Variants in TMC2 observed in about 807,000 individuals in gnomAD.
TMC2 encodes transmembrane channel-like protein 2.
A neutral mutation model predicts 105.9 loss-of-function variants in TMC2; 102 were observed. The observed-to-expected ratio is 0.96, with a 90% CI of 0.82 to 1.14. The LOEUF (loss-of-function observed/expected upper bound fraction) is 1.14, where lower values mean the gene tolerates loss of function less well. Among genes scored for constraint, TMC2 ranks in the 50% most tolerant of loss-of-function variants. TMC2 has a pLI of 0.00. For synonymous variants in TMC2, 402 were observed against 422.8 expected, an observed-to-expected ratio of 0.95 and a Z score of 0.60; for missense variants, 1,093 against 1,134.3, an observed-to-expected ratio of 0.96 and a Z score of 0.52.
At chr20:2,537,242 A>G (rs1349504592) in intron 1 of TMC2, 27 bp from the exon 2 acceptor site, 8 of 1,590,238 alleles carry the variant, frequency 5.0e-6, no homozygotes, top group African/African-American at 1.3e-5. Context: ...GAGGCCAGCC[A>G]TTTGTCAGCA....
intron 4 of TMC2, among the ~76,000 whole-genome samples, chr20:2,571,029 C>T (rs184988112): frequency 3.3e-5 from 5 of 152,234 alleles, no homozygotes; most frequent in Admixed American, 1.3e-4. Context: ...GAATGTAAGA[C>T]CTAAAATTAT....
In TMC2 at chr20:2,561,953, T is replaced by C; in HGVS notation, c.497T>C (p.Leu166Pro). ...GAGCAGGTGGAAGAAAAAAAGAAGC[T>C]CATTGCCACCATGCGGAGCAAGCCC... is the stretch of plus-strand genomic sequence containing the variant. ...ILEQVEEKKK[L>P]IATMRSKPWP... Residue 166 changes from leucine to proline, a missense_variant, in exon 4 of 20, where the codon CTC (leucine) becomes CCC (proline). Leu to Pro is a moderately conservative substitution (Grantham distance 98, BLOSUM62 -3). Coordinates refer to ENST00000358864, the MANE Select transcript of TMC2 (RefSeq NM_080751.3). 6.2e-7 allele frequency: 1 copy of C among 1,614,158 alleles called. No homozygotes were observed. The highest frequency in any genetic ancestry group is 8.5e-7 in the Non-Finnish European group (1 of 1,180,018).
chr20:2,561,573 T>C (rs1600101436), intron 3 of TMC2, among the ~76,000 whole-genome samples: 1 of 152,336 alleles, frequency 6.6e-6, no homozygotes, highest in Non-Finnish European at 1.5e-5. Context: ...CTAGAAAAAT[T>C]TGCATTACAG....
At chr20:2,587,573 T>C (rs2086239826) in intron 7 of TMC2, among the ~76,000 whole-genome samples, 1 of 152,028 alleles carries the variant, frequency 6.6e-6, no homozygotes, top group South Asian at 2.1e-4. Context: ...TAAATTTTCC[T>C]GTGGTAGGTT....
chr20:2,617,095 G>A lies in TMC2; in HGVS notation c.1964G>A (p.Gly655Asp). 6.2e-7 allele frequency: 1 copy of A among 1,614,196 alleles called. No homozygotes were observed. The highest frequency in any genetic ancestry group is 1.1e-5 in the South Asian group (1 of 91,080). Residue 655 changes from glycine (G) to aspartate (D), a missense_variant, in exon 16 of 20, where the codon GGC (glycine) becomes GAC (aspartate). Transcript: ENST00000358864. ...MIWMGSFYAP[G>D]LVGINVLRLL... ...AGGATGGGCTCCTTCTATGCTCCAGGCCTGGTGGGCATTAATGTGCTGCGC... is the reference window on the plus strand; with the variant it reads ...AGGATGGGCTCCTTCTATGCTCCAGACCTGGTGGGCATTAATGTGCTGCGC...
intron 17 of TMC2, 83 bp downstream of exon 17, chr20:2,624,479 T>C: frequency 6.6e-7 from 1 of 1,507,352 alleles, no homozygotes; most frequent in Non-Finnish European, 8.9e-7. Context: ...CTTTTCATCT[T>C]GCCTTCTTAG....
intron 17 of TMC2, among the ~76,000 whole-genome samples, chr20:2,629,418 T>C (rs1239065878): frequency 6.7e-6 from 1 of 148,836 alleles, no homozygotes; most frequent in Non-Finnish European, 1.5e-5. Context: ...AGTATATTCA[T>C]GAAATAAGGA....
At chr20:2,585,585 G>A (rs1462710012) in intron 7 of TMC2, among the ~76,000 whole-genome samples, 3 of 152,152 alleles carry the variant, frequency 2.0e-5, no homozygotes, top group Admixed American at 1.3e-4. Context: ...AAGAAGATCC[G>A]CTTCCAAGCT....
At chr20:2,635,827 C>A in intron 17 of TMC2, 99 bp from the exon 18 acceptor site, 2 of 951,544 alleles carry the variant, frequency 2.1e-6, no homozygotes, top group Non-Finnish European at 1.7e-6. Context: ...GCCTCAGTAA[C>A]TATTCCAGGA....
intron 7 of TMC2, among the ~76,000 whole-genome samples, chr20:2,580,513 A>G (rs1215897741): frequency 2.6e-5 from 4 of 152,158 alleles, no homozygotes; most frequent in Non-Finnish European, 2.9e-5. Flanking sequence ...AGAATACATT[A>G]TATCATTATT....
chr20:2,633,456 T>C (rs565019562), intron 17 of TMC2, among the ~76,000 whole-genome samples: 41 of 152,030 alleles, frequency 2.7e-4, no homozygotes, highest in Admixed American at 3.9e-4. Context: ...TTAAACTTTT[T>C]GGTTAGCCTA....
Position 2,613,231 on chromosome 20 carries a change from C to A in TMC2, c.1781C>A (p.Thr594Lys), listed in dbSNP as rs753558671. 8 of 1,613,914 alleles carry A rather than the reference C, an allele frequency of 5.0e-6. No homozygotes were observed. Among genetic ancestry groups the A allele is most frequent in the Non-Finnish European group, 6.8e-6 (8 of 1,179,954 alleles). The stretch of plus-strand genomic sequence containing the variant: ...CTGACGGTGTCTGACATGCTGGTAA[C>A]GTACATCACCATCCTGCTGGGGGAC... ...MRLTVSDMLV[T>K]YITILLGDFL... The change falls in exon 14 of 20, where the codon ACG (threonine) becomes AAG (lysine). Residue 594 changes from threonine (T) to lysine (K), a missense_variant. By Grantham distance (78) the Thr-to-Lys change is moderately conservative. Transcript: ENST00000358864.
At chr20:2,599,609 T>C (rs1323328681) in intron 10 of TMC2, among the ~76,000 whole-genome samples, 1 of 143,224 alleles carries the variant, frequency 7.0e-6, no homozygotes, top group East Asian at 2.2e-4. Context: ...CAGTTAAATT[T>C]TTCTATTTTT....
chr20:2,637,344 C>T (rs2086655180), intron 18 of TMC2, 130 bp from the exon 19 acceptor site: 13 of 590,528 alleles, frequency 2.2e-5, no homozygotes, highest in East Asian at 2.9e-5. Context: ...GCCGAGTTCA[C>T]GCCGCTGCAC....
In TMC2 at chr20:2,555,190, C is replaced by T. The variant is rs561426787; in HGVS notation, c.83-3266C>T. Among the ~76,000 whole-genome samples, 4 of 152,282 alleles carry T rather than the reference C, an allele frequency of 2.6e-5. No individual in the cohort carries two copies. The East Asian group carries it at 5.8e-4, about 22-fold the overall frequency. ...CACCCTCCTGGGTTCAAGCCATTCT[C>T]CTGCCTCAGCCTCCAAAGTAGCTGA... On this transcript the variant is annotated intron_variant, in intron 2 of 19. Transcript: ENST00000358864.
chr20:2,620,611 TGAAA>T, intron 16 of TMC2, among the ~76,000 whole-genome samples: 1 of 152,144 alleles, frequency 6.6e-6, no homozygotes, highest in African/African-American at 2.4e-5. Context: ...CAACTTGGAC[TGAAA>T]GAAACAGAAA....
At chr20:2,554,752 T>C (rs2085976129) in intron 2 of TMC2, among the ~76,000 whole-genome samples, 1 of 152,234 alleles carries the variant, frequency 6.6e-6, no homozygotes, top group Non-Finnish European at 1.5e-5. Context: ...CCAGCTATCT[T>C]TCTGTTAGAG....
chr20:2,541,400 G>T (rs2085888959), intron 2 of TMC2, among the ~76,000 whole-genome samples: 1 of 152,174 alleles, frequency 6.6e-6, no homozygotes, highest in Non-Finnish European at 1.5e-5. Flanking sequence ...CAGCATTTTG[G>T]GAGGCCGAGG....
chr20:2,594,131 G>C (rs1296213515), intron 8 of TMC2, among the ~76,000 whole-genome samples: 1 of 151,938 alleles, frequency 6.6e-6, no homozygotes, highest in Non-Finnish European at 1.5e-5. Flanking sequence ...GCAAGTCATT[G>C]CTGCTGCCAT....
Sources: allele counts gnomAD v4.1 joint callset (sites outside exome capture counted in the v4.1 genomes callset), GRCh38; gene constraint gnomAD v4.1.1; transcripts MANE v1.5; gene names NCBI Gene and HGNC (gene_info 2026-07-23, HGNC 2026-07-21).